AP1M1: variants seen among roughly 807,000 people sequenced by gnomAD.
AP1M1 encodes the protein AP-1 complex subunit mu-1.
AP1M1 carries 18 observed loss-of-function variants against 57.1 expected under a neutral mutation model. The ratio of observed to expected loss-of-function variants is 0.32; its 90% CI spans 0.22 to 0.47. The LOEUF (loss-of-function observed/expected upper bound fraction) is 0.47. Among genes scored for constraint, AP1M1 ranks in the 20% least tolerant of loss-of-function variants. The pLI is 1.00. For synonymous variants in AP1M1, 241 were observed against 237.9 expected (o/e 1.01, Z -0.12); for missense variants, 362 against 593.5 (o/e 0.61, Z 4.05).
At chr19:16,198,894 G>A (rs1158547643) in intron 1 of AP1M1, among the ~76,000 whole-genome samples, 5 of 151,742 alleles carry the variant, frequency 3.3e-5, no homozygotes, top group East Asian at 1.9e-4. Flanking sequence ...TGCAACCTCC[G>A]CCTCCCGGGT....
chr19:16,233,131 A>G (rs2091606370), intron 9 of AP1M1, among the ~76,000 whole-genome samples: 1 of 152,070 alleles, frequency 6.6e-6, no homozygotes, highest in South Asian at 2.1e-4. Context: ...CTTCCTTCCC[A>G]TGGCCGGTCT....
Position 16,229,389 on chromosome 19 carries a change from G to C in AP1M1, c.1047+461G>C, listed in dbSNP as rs547221561. ...CTCCGCACCAGCCGCCCATGTCCTG[G>C]GCCAGCTCTGCATCGGCGTGGCTTC... On this transcript the variant is annotated intron_variant, in intron 9 of 11. Coordinates refer to ENST00000291439, the MANE Select transcript of AP1M1 (RefSeq NM_032493.4). Among the ~76,000 whole-genome samples the C allele has an allele frequency of 5.9e-5, 9 of 152,366 alleles. 1 individual carries two copies. In the East Asian group the frequency reaches 1.7e-3, roughly 29 times the overall value.
intron 5 of AP1M1, among the ~76,000 whole-genome samples, chr19:16,224,805 A>C (rs2091563862): frequency 6.6e-6 from 1 of 152,026 alleles, no homozygotes; most frequent in Admixed American, 6.5e-5. Flanking sequence ...CCTCCGAGAA[A>C]GAGGCAGGCA....
intron 1 of AP1M1, among the ~76,000 whole-genome samples, chr19:16,201,388 CTTTTTT>C (rs57467734): frequency 2.6e-4 from 16 of 62,396 alleles, no homozygotes; most frequent in African/African-American, 1.0e-3. Context: ...GGGAGGATTT[CTTTTTT>C]TTTTTTTTTT....
intron 9 of AP1M1, among the ~76,000 whole-genome samples, chr19:16,230,896 T>G (rs1463890009): frequency 6.6e-6 from 1 of 151,976 alleles, no homozygotes; most frequent in Non-Finnish European, 1.5e-5. Flanking sequence ...AAAGCAAAAT[T>G]AATTCATCAG....
chr19:16,210,485 C>T (rs1003019705), intron 5 of AP1M1: 2 of 685,422 alleles, frequency 2.9e-6, no homozygotes, highest in Non-Finnish European at 2.7e-6. Flanking sequence ...GATGACCCCA[C>T]ATCCTTTGTC....
rs151262762 is a variant in AP1M1 at position 16,198,047 on chromosome 19, C to T, written c.21C>T (p.Tyr7=). Residue 7 remains tyrosine, a synonymous_variant, in exon 1 of 12, where the codon TAC becomes TAT. Transcript: ENST00000291439. The part of the protein sequence containing the change: MSASAV[Y]VLDLKGKVLI... Reference sequence around the variant, plus strand: ...CCATCATGTCCGCCAGCGCCGTCTACGTGCTGGACCTGAAGGGCAAGGTAC... The same window carrying T: ...CCATCATGTCCGCCAGCGCCGTCTATGTGCTGGACCTGAAGGGCAAGGTAC... 101 of 1,603,586 alleles carry T rather than the reference C, an allele frequency of 6.3e-5. No individual in the cohort carries two copies. In the African/African-American group the frequency reaches 1.2e-3, roughly 20 times the overall value.
At chr19:16,219,170 G>T (rs1419823949) in intron 5 of AP1M1, among the ~76,000 whole-genome samples, 1 of 151,554 alleles carries the variant, frequency 6.6e-6, no homozygotes, top group Non-Finnish European at 1.5e-5. Flanking sequence ...TGTTAATATG[G>T]TGTATTCCAC....
At chr19:16,202,367 G>A (rs1178322297) in intron 1 of AP1M1, among the ~76,000 whole-genome samples, 3 of 152,134 alleles carry the variant, frequency 2.0e-5, no homozygotes, top group Non-Finnish European at 4.4e-5. Context: ...CAAAACTTCC[G>A]ACCTCCTTTT....
At chr19:16,224,008 G>A (rs1435160869) in intron 5 of AP1M1, among the ~76,000 whole-genome samples, 2 of 152,214 alleles carry the variant, frequency 1.3e-5, no homozygotes, top group Non-Finnish European at 2.9e-5. Flanking sequence ...CATTGAGCAC[G>A]CTTGCTCAGC....
In AP1M1 at chr19:16,228,695, GGGCATGTGTCCT is replaced by G; in HGVS notation, c.889-72_889-61del. 1 of 1,561,744 alleles carries G rather than the reference GGGCATGTGTCCT, an allele frequency of 6.4e-7. No homozygotes were observed. The highest frequency in any genetic ancestry group is 1.1e-5 in the South Asian group (1 of 88,390). ...GGAGGATCCCCCGGGCCAGGCTGAG[GGGCATGTGTCCT>G]GGAGAGGCTGGCCAGCTCACCTTGG... On this transcript the variant is annotated intron_variant, in intron 8 of 11. Transcript: ENST00000291439. This position sits in a 1 kb window ranked among gnomAD's most constrained non-coding sequence, Gnocchi z 5.0.
Position 16,222,211 on chromosome 19 carries a change from AT to A in AP1M1, c.547-4196del, listed in dbSNP as rs1185219025. Among the ~76,000 whole-genome samples, 157 of 125,104 alleles carry A rather than the reference AT, an allele frequency of 1.3e-3. 3 individuals are homozygous for A. The highest frequency in any genetic ancestry group is 3.9e-3 in the Middle Eastern group (1 of 256). The allele number at this position is 125,104 out of a possible 152,430, so 82.1% of individuals were successfully genotyped here. ...TATTATTATTACTATTATTATTATT[AT>A]TTTTTTTTTTTTTGAGATAGGTTCC... On this transcript the variant is annotated intron_variant, in intron 5 of 11. Transcript: ENST00000291439.
rs757881051 is a variant in AP1M1, at chr19:16,245,890, A to T, written c.*11455A>T. 1 of 152,220 alleles carries T rather than the reference A, an allele frequency of 6.6e-6. No homozygotes were observed. Among genetic ancestry groups the T allele is most frequent in the Non-Finnish European group, 1.5e-5 (1 of 68,048 alleles). The allele number at this position is 152,220 out of a possible 1,614,324, so 9.4% of individuals were successfully genotyped here. On this transcript the variant is annotated 3_prime_UTR_variant, in exon 12 of 12. Coordinates refer to ENST00000291439, the MANE Select transcript of AP1M1 (RefSeq NM_032493.4). ...AGGCAGGGGGCTAAAATAAATAAAT[A>T]ATTTAAAAAATAAAAATAAAGTCAT...
intron 2 of AP1M1, among the ~76,000 whole-genome samples, chr19:16,204,941 C>G (rs1303986259): frequency 9.6e-6 from 1 of 104,054 alleles, no homozygotes; most frequent in Non-Finnish European, 2.7e-5. Context: ...CGCTATTCTC[C>G]TGCCTCAGCC....
At chr19:16,213,999 T>A (rs2091506571) in intron 5 of AP1M1, among the ~76,000 whole-genome samples, 1 of 152,138 alleles carries the variant, frequency 6.6e-6, no homozygotes, top group South Asian at 2.1e-4. Flanking sequence ...TACTTGTCTG[T>A]GTACTTAAAT....
rs2091578745 is a variant in AP1M1 at position 16,228,014 on chromosome 19, C to T, written c.817-123C>T. ...CTCCCTGACGCTGGCTGTACGCTCC[C>T]TGCAGGGCTCTGGGCCCACACCTGG... On this transcript the variant is annotated intron_variant, in intron 7 of 11. Transcript: ENST00000291439. The surrounding 1 kb of genome is among the most constrained non-coding windows in gnomAD (Gnocchi z 5.0). The T allele has an allele frequency of 9.4e-7, 1 of 1,059,036 alleles. No homozygotes were observed. The highest frequency in any genetic ancestry group is 1.4e-5 in the South Asian group (1 of 73,120). 65.6% of individuals were successfully genotyped at this position (1,059,036 alleles called of 1,614,324 possible).
In AP1M1 at chr19:16,228,998, G is replaced by A; in HGVS notation, c.1047+70G>A. 6.4e-7 allele frequency: 1 copy of A among 1,550,970 alleles called. No individual in the cohort carries two copies. Among genetic ancestry groups the A allele is most frequent in the East Asian group, 2.3e-5 (1 of 42,782 alleles). On this transcript the variant is annotated intron_variant, in intron 9 of 11. Coordinates refer to ENST00000291439, the MANE Select transcript of AP1M1 (RefSeq NM_032493.4). This position sits in a 1 kb window ranked among gnomAD's most constrained non-coding sequence, Gnocchi z 5.0. ...CTGCAAGGCAGCCTGGGTGCCTCAG[G>A]ACCCCCTGCACCTCAAGATGGGGTG...
Position 16,234,429 on chromosome 19 carries a change from C to A in AP1M1, c.1266C>A (p.Thr422=). The part of the protein sequence containing the change: ...ITQNGDYQLR[T]Q Reference sequence around the variant, plus strand: ...GTCTCCTAGATTACCAGCTCCGGACCCAGTGAGGGGCTGTCGCAGCCAACA... The same window carrying A: ...GTCTCCTAGATTACCAGCTCCGGACACAGTGAGGGGCTGTCGCAGCCAACA... Residue 422 remains threonine (T), a synonymous_variant, in exon 12 of 12, where the codon ACC becomes ACA. Coordinates refer to ENST00000291439, the MANE Select transcript of AP1M1 (RefSeq NM_032493.4). 2.5e-6 allele frequency: 4 copies of A among 1,613,820 alleles called. No homozygotes were observed. Among genetic ancestry groups the A allele is most frequent in the Non-Finnish European group, 3.4e-6 (4 of 1,179,942 alleles).
rs762934598 is a variant in AP1M1, at chr19:16,228,772, C to G, written c.891C>G (p.Ala297=). The G allele has an allele frequency of 6.2e-7, 1 of 1,613,884 alleles. No individual in the cohort carries two copies. The highest frequency in any genetic ancestry group is 8.5e-7 in the Non-Finnish European group (1 of 1,179,990). Residue 297 remains alanine (A), a splice_region_variant and synonymous_variant, in exon 9 of 12, where the codon GCC becomes GCG. Coordinates refer to ENST00000291439, the MANE Select transcript of AP1M1 (RefSeq NM_032493.4). The surrounding 1 kb of genome is among the most constrained non-coding windows in gnomAD (Gnocchi z 5.0). ...SHSRIEYMIK[A]KSQFKRRSTA... is the part of the protein sequence containing the mutation. ...GGCCGCATTGGCCTGGCCTGCAGGCCAAAAGCCAGTTCAAGCGGCGGTCAA... is the reference window on the plus strand; with the variant it reads ...GGCCGCATTGGCCTGGCCTGCAGGCGAAAAGCCAGTTCAAGCGGCGGTCAA...
Sources: allele counts gnomAD v4.1 joint callset (sites outside exome capture counted in the v4.1 genomes callset), GRCh38; gene constraint gnomAD v4.1.1; non-coding constraint Gnocchi (gnomAD v3.1); transcripts MANE v1.5; gene names NCBI Gene and HGNC (gene_info 2026-07-23, HGNC 2026-07-21).